The following ZNF804B variants were observed in gnomAD, a reference collection of about 807,000 sequenced individuals.
The protein encoded by ZNF804B is zinc finger protein 804B, also known as zinc finger 804B.
ZNF804B carries 80 observed loss-of-function variants against 101.4 expected under a neutral mutation model. That is an observed-to-expected ratio of 0.79 (90% CI 0.66 to 0.95). ZNF804B has a LOEUF of 0.95. Ranked by LOEUF, ZNF804B falls within the 40% of genes least tolerant of loss-of-function variation. ZNF804B has a pLI of 0.00. For synonymous variants in ZNF804B, 622 were observed against 558.8 expected, an observed-to-expected ratio of 1.11 and a Z score of -1.59; for missense variants, 1,673 against 1,561.9, an observed-to-expected ratio of 1.07 and a Z score of -1.20.
chr7:88,767,299 C>T (rs1446185078), intron 1 of ZNF804B, among the ~76,000 whole-genome samples: 1 of 152,194 alleles, frequency 6.6e-6, no homozygotes, highest in Admixed American at 6.5e-5. Context: ...TCAGAACCCA[C>T]CTACCAGTGT....
At chr7:88,914,612 T>G (rs1792605490) in intron 1 of ZNF804B, among the ~76,000 whole-genome samples, 2 of 152,196 alleles carry the variant, frequency 1.3e-5, no homozygotes, top group South Asian at 4.1e-4. Flanking sequence ...AATTTTGGTT[T>G]CCTTGCACAA....
intron 1 of ZNF804B, among the ~76,000 whole-genome samples, chr7:88,863,231 G>A (rs758241035): frequency 6.6e-6 from 1 of 151,976 alleles, no homozygotes; most frequent in Non-Finnish European, 1.5e-5. Context: ...CCCTGCCCCC[G>A]AACCCTACCT....
At position 89,334,059 on chromosome 7, in the gene ZNF804B, C is replaced by A. The variant is rs200613424; in HGVS notation, c.1077C>A (p.His359Gln). ...LKNTLENCVN[H>Q]PCQANASFSP... ...ACACTTTAGAAAATTGTGTTAATCA[C>A]CCATGCCAAGCAAATGCTTCCTTCA... Residue 359 changes from histidine (H) to glutamine (Q), a missense_variant, in exon 4 of 4, where the codon CAC becomes CAA. By Grantham distance (24) the His-to-Gln change is conservative (BLOSUM62 0). Coordinates refer to ENST00000333190, the MANE Select transcript of ZNF804B (RefSeq NM_181646.5). The A allele has an allele frequency of 9.0e-5, 145 of 1,613,424 alleles. 1 individual carries two copies. In the South Asian group the frequency reaches 1.4e-3, roughly 15 times the overall value.
intron 1 of ZNF804B, among the ~76,000 whole-genome samples, chr7:88,775,979 A>G (rs1790134660): frequency 6.6e-6 from 1 of 152,180 alleles, no homozygotes; most frequent in African/African-American, 2.4e-5. Flanking sequence ...CTAAGTACAG[A>G]GAGGTGCTTA....
chr7:89,031,661 GT>G (rs200361715), intron 1 of ZNF804B, among the ~76,000 whole-genome samples: 663 of 143,516 alleles, frequency 4.6e-3, no homozygotes, highest in Middle Eastern at 0.018. Context: ...TCTGGTTTTT[GT>G]TTTTTTTTTT....
At chr7:89,186,618 T>C (rs926736484) in intron 1 of ZNF804B, among the ~76,000 whole-genome samples, 1 of 152,162 alleles carries the variant, frequency 6.6e-6, no homozygotes, top group Non-Finnish European at 1.5e-5. Context: ...TTACTTTTTT[T>C]TTTTACAATC....
chr7:88,840,874 C>T lies in ZNF804B; in HGVS notation c.108+80790C>T, dbSNP rs923176546. 2.6e-5 allele frequency among the ~76,000 whole-genome samples: 4 copies of T among 152,118 alleles called. 1 individual carries two copies. Among genetic ancestry groups the T allele is most frequent in the Admixed American group, 2.6e-4 (4 of 15,244 alleles). On this transcript the variant is annotated intron_variant, in intron 1 of 3. Transcript: ENST00000333190. The stretch of plus-strand genomic sequence containing the variant: ...ATTGACTGACTATAAAATAAAATGA[C>T]TTGAGATTATAATGCTTTCATAAGT...
intron 1 of ZNF804B, among the ~76,000 whole-genome samples, chr7:88,861,363 CAGGA>C (rs1349291070): frequency 1.3e-5 from 2 of 152,140 alleles, no homozygotes; most frequent in Non-Finnish European, 1.5e-5. Context: ...CAGCAACACA[CAGGA>C]AGGAAACAAC....
At chr7:89,263,302 C>T (rs1789737621) in intron 2 of ZNF804B, among the ~76,000 whole-genome samples, 1 of 152,108 alleles carries the variant, frequency 6.6e-6, no homozygotes, top group African/African-American at 2.4e-5. Context: ...GGTTCCACGC[C>T]CTACCAGCAC....
At chr7:88,886,981 G>T (rs983215916) in intron 1 of ZNF804B, among the ~76,000 whole-genome samples, 3 of 151,844 alleles carry the variant, frequency 2.0e-5, no homozygotes, top group Admixed American at 6.6e-5. Context: ...TATCTGATAT[G>T]GTCCTCTTCT....
intron 1 of ZNF804B, among the ~76,000 whole-genome samples, chr7:89,064,759 T>G (rs1789431861): frequency 6.6e-6 from 1 of 152,116 alleles, no homozygotes; most frequent in Non-Finnish European, 1.5e-5. Flanking sequence ...TCTCTCATCC[T>G]CCCTGAATGT....
chr7:89,322,700 C>T (rs527914318), intron 2 of ZNF804B, among the ~76,000 whole-genome samples: 1 of 152,126 alleles, frequency 6.6e-6, no homozygotes, highest in African/African-American at 2.4e-5. Flanking sequence ...TTGAAAGAAA[C>T]ACATTACCAA....
intron 1 of ZNF804B, among the ~76,000 whole-genome samples, chr7:89,016,040 G>A (rs1351068110): frequency 6.6e-6 from 1 of 152,176 alleles, no homozygotes; most frequent in African/African-American, 2.4e-5. Context: ...TAACTGGTGT[G>A]AGATGGTATC....
At chr7:88,986,814 C>G (rs1428476729) in intron 1 of ZNF804B, among the ~76,000 whole-genome samples, 1 of 152,072 alleles carries the variant, frequency 6.6e-6, no homozygotes, top group Non-Finnish European at 1.5e-5. Context: ...TCATCCCAGG[C>G]CTCTTCCATC....
chr7:89,279,930 T>C (rs552816307), intron 2 of ZNF804B, among the ~76,000 whole-genome samples: 91 of 152,140 alleles, frequency 6.0e-4, no homozygotes, highest in Admixed American at 9.8e-4. Flanking sequence ...TACAGAACTC[T>C]CCACCCCAAA....
intron 1 of ZNF804B, among the ~76,000 whole-genome samples, chr7:88,871,400 A>T (rs1791821087): frequency 6.6e-6 from 1 of 150,632 alleles, no homozygotes; most frequent in African/African-American, 2.4e-5. Context: ...TTACCCCAGT[A>T]AAAAAAAAGG....
intron 1 of ZNF804B, among the ~76,000 whole-genome samples, chr7:88,913,667 A>C (rs1792586687): frequency 6.6e-6 from 1 of 152,180 alleles, no homozygotes; most frequent in South Asian, 2.1e-4. Flanking sequence ...AAGTGCTGGG[A>C]TTACAGGCAT....
At chr7:89,106,456 G>A (rs934345214) in intron 1 of ZNF804B, among the ~76,000 whole-genome samples, 3 of 152,082 alleles carry the variant, frequency 2.0e-5, no homozygotes, top group Admixed American at 6.6e-5. Flanking sequence ...AGTAATGAAT[G>A]CTTTTGGAAA....
chr7:89,071,285 A>G (rs1417743707), intron 1 of ZNF804B, among the ~76,000 whole-genome samples: 1 of 152,136 alleles, frequency 6.6e-6, no homozygotes, highest in Non-Finnish European at 1.5e-5. Flanking sequence ...AGACCGACTC[A>G]ATCAGGAAAT....
Sources: gnomAD v4.1 joint callset for allele counts (sites outside exome capture counted in the v4.1 genomes callset) on GRCh38, gnomAD v4.1.1 for gene constraint, MANE v1.5 for transcripts, NCBI Gene and HGNC (gene_info 2026-07-23, HGNC 2026-07-21) for gene names.